Variants in FNDC3B observed in about 807,000 individuals in gnomAD.
FNDC3B encodes fibronectin type III domain containing 3B.
In FNDC3B, 12 loss-of-function variants were observed where a neutral mutation model predicts 151.5. The ratio of observed to expected loss-of-function variants is 0.08; its 90% CI spans 0.05 to 0.13. The LOEUF is 0.13. Ranked by LOEUF, FNDC3B falls within the 10% of genes least tolerant of loss-of-function variation. The pLI is 1.00. For synonymous variants in FNDC3B, 528 were observed against 549.0 expected (o/e 0.96, Z 0.54); for missense variants, 1,214 against 1,505.3 (o/e 0.81, Z 3.20).
At chr3:172,378,171 A>G in intron 23 of FNDC3B, 99 bp from the exon 24 acceptor site, 2 of 940,834 alleles carry the variant, frequency 2.1e-6, no homozygotes, top group Non-Finnish European at 3.2e-6. Context: ...GAAAGCGTTT[A>G]CCAGGTTGGC....
At chr3:172,312,253 C>A (rs1023206175) in intron 11 of FNDC3B, among the ~76,000 whole-genome samples, 4 of 152,188 alleles carry the variant, frequency 2.6e-5, no homozygotes, top group African/African-American at 9.7e-5. Flanking sequence ...TTCCAAGTTA[C>A]CCAGAACAAC....
intron 21 of FNDC3B, among the ~76,000 whole-genome samples, chr3:172,347,770 G>A (rs1019173008): frequency 2.6e-5 from 4 of 152,178 alleles, no homozygotes; most frequent in African/African-American, 7.2e-5. Context: ...TTTACGAGCT[G>A]TTAAATGGAG....
rs2108444645 is a variant in FNDC3B at position 172,040,631 on chromosome 3, C to T, written c.-29+860C>T. On this transcript the variant is annotated intron_variant, in intron 1 of 25. Coordinates refer to ENST00000415807, the MANE Select transcript of FNDC3B (RefSeq NM_022763.4). The surrounding 1 kb of genome is among the most constrained non-coding windows in gnomAD (Gnocchi z 6.6). ...GTGGGCCAGCGGAGCTCCGGTCAGT[C>T]GGTCACCCCGAGGGGCGCCTCGGCC... is the stretch of plus-strand genomic sequence containing the variant. 1 of 151,360 alleles carries T rather than the reference C, an allele frequency of 6.6e-6. No individual in the cohort carries two copies. 9.4% of individuals were successfully genotyped at this position (151,360 alleles called of 1,614,324 possible). A position where few individuals can be genotyped will look rare whatever the true frequency, so the allele number is the denominator to read the frequency against.
At chr3:172,280,902 T>G (rs577598880) in intron 6 of FNDC3B, among the ~76,000 whole-genome samples, 13 of 150,134 alleles carry the variant, frequency 8.7e-5, no homozygotes, top group African/African-American at 3.0e-4. Flanking sequence ...TCTTTCTTTT[T>G]TTTGAAAAAA....
intron 7 of FNDC3B, among the ~76,000 whole-genome samples, chr3:172,292,949 G>A (rs151057059): frequency 3.6e-4 from 55 of 152,278 alleles, no homozygotes; most frequent in African/African-American, 1.3e-3. Context: ...ATAGGCAAGA[G>A]TACAAAGAAG....
In FNDC3B at chr3:172,367,754, G is replaced by A. The variant is rs561304621; in HGVS notation, c.3008+4909G>A. On this transcript the variant is annotated intron_variant, in intron 23 of 25. Transcript: ENST00000415807. ...TGATAATTTTACACAACACTGAGGC[G>A]GGAAGAACGTAAATTCCAGGAATGC... 9.9e-5 allele frequency among the ~76,000 whole-genome samples: 15 copies of A among 152,276 alleles called. No homozygotes were observed. The East Asian group carries it at 1.5e-3, about 16-fold the overall frequency.
chr3:172,065,224 C>T (rs529312964), intron 1 of FNDC3B, among the ~76,000 whole-genome samples: 1 of 152,120 alleles, frequency 6.6e-6, no homozygotes, highest in Non-Finnish European at 1.5e-5. Flanking sequence ...CCCAGCTACT[C>T]AGGAGTCTGA....
intron 11 of FNDC3B, chr3:172,316,482 G>A (rs1321859524): frequency 2.2e-5 from 10 of 450,918 alleles, no homozygotes; most frequent in Non-Finnish European, 3.1e-5. Context: ...CTGTTTTAAT[G>A]TTCCTAAACA....
chr3:172,175,148 G>A (rs905634419), intron 3 of FNDC3B, among the ~76,000 whole-genome samples: 2 of 151,244 alleles, frequency 1.3e-5, no homozygotes, highest in African/African-American at 2.5e-5. Context: ...TCTCCTTGCC[G>A]TTGTCTCTCT....
intron 22 of FNDC3B, among the ~76,000 whole-genome samples, chr3:172,360,214 G>A (rs922592459): frequency 3.1e-4 from 47 of 152,152 alleles, no homozygotes; most frequent in African/African-American, 9.7e-4. Context: ...GGCTAATGAT[G>A]TCAAACATGT....
At chr3:172,207,598 G>A (rs1463502698) in intron 3 of FNDC3B, among the ~76,000 whole-genome samples, 1 of 152,142 alleles carries the variant, frequency 6.6e-6, no homozygotes, top group African/African-American at 2.4e-5. Context: ...TTGGTCCATG[G>A]GCGGCCATGG....
chr3:172,201,071 C>T (rs1431935135), intron 3 of FNDC3B, among the ~76,000 whole-genome samples: 3 of 152,174 alleles, frequency 2.0e-5, no homozygotes, highest in Non-Finnish European at 4.4e-5. Context: ...TTTGTTTGAA[C>T]AGTGGTTCAG....
At chr3:172,050,797 A>G (rs1716611008) in intron 1 of FNDC3B, among the ~76,000 whole-genome samples, 1 of 151,896 alleles carries the variant, frequency 6.6e-6, no homozygotes, top group South Asian at 2.1e-4. Flanking sequence ...ATTGCTGTAT[A>G]TATAAATGGC....
intron 25 of FNDC3B, among the ~76,000 whole-genome samples, chr3:172,386,902 T>C (rs951666093): frequency 1.3e-5 from 2 of 152,170 alleles, no homozygotes; most frequent in African/African-American, 4.8e-5. Flanking sequence ...CTACATGGTA[T>C]CACAAAGAGT....
chr3:172,333,612 G>A (rs569737312), intron 14 of FNDC3B, among the ~76,000 whole-genome samples: 2 of 149,980 alleles, frequency 1.3e-5, no homozygotes, highest in South Asian at 4.2e-4. Context: ...CCAAAGTGCT[G>A]TGATTACAGG....
At chr3:172,193,044 C>T (rs1724615597) in intron 3 of FNDC3B, among the ~76,000 whole-genome samples, 2 of 151,780 alleles carry the variant, frequency 1.3e-5, no homozygotes, top group African/African-American at 2.4e-5. Context: ...TTATTTTTGT[C>T]CTTTTGTCCT....
intron 3 of FNDC3B, among the ~76,000 whole-genome samples, chr3:172,153,175 C>T (rs1722317317): frequency 1.3e-5 from 2 of 152,032 alleles, no homozygotes; most frequent in African/African-American, 4.8e-5. Context: ...GCAGCCTTTT[C>T]CAAATGTGAA....
At chr3:172,175,757 A>G (rs56293326) in intron 3 of FNDC3B, among the ~76,000 whole-genome samples, 22,313 of 152,200 alleles carry the variant, frequency 0.15, 1,804 homozygotes, top group Non-Finnish European at 0.17. Context: ...AGTAAGTGAG[A>G]ACCTTGTACC....
At chr3:172,207,556 C>T (rs1428380551) in intron 3 of FNDC3B, among the ~76,000 whole-genome samples, 2 of 152,126 alleles carry the variant, frequency 1.3e-5, no homozygotes, top group African/African-American at 4.8e-5. Context: ...TTGAGGTTTA[C>T]CTGGGCTCAG....
Sources: gnomAD v4.1 joint callset for allele counts (sites outside exome capture counted in the v4.1 genomes callset) on GRCh38, gnomAD v4.1.1 for gene constraint, Gnocchi (gnomAD v3.1) non-coding constraint, MANE v1.5 for transcripts, NCBI Gene and HGNC (gene_info 2026-07-23, HGNC 2026-07-21) for gene names.